The following STON1 variants were observed in gnomAD, a reference collection of about 807,000 sequenced individuals.
The protein encoded by STON1 is stonin-1.
In STON1, 79 loss-of-function variants were observed where a neutral mutation model predicts 60.9. The ratio of observed to expected loss-of-function variants is 1.30; its 90% confidence interval spans 1.08 to 1.56. STON1 has a LOEUF of 1.56. STON1 is among the 40% of genes most tolerant of loss of function. The probability of loss-of-function intolerance (pLI) is 0.00; values close to 1 mark genes in which losing one functional copy is unlikely to be tolerated. For synonymous variants in STON1, 363 were observed against 306.9 expected (o/e 1.18, Z -1.91); for missense variants, 1,166 against 858.9 (o/e 1.36, Z -4.47).
At chr2:48,591,511 G>A in intron 2 of STON1, 142 bp from the exon 3 acceptor site, 1 of 1,172,638 alleles carries the variant, frequency 8.5e-7, no homozygotes, top group South Asian at 1.8e-5. Context: ...GATTTTCATG[G>A]TATGTTGTTT....
rs780420069 is a variant in STON1, at chr2:48,582,436, A to C, written c.1803A>C (p.Ala601=). ...TGAAAGCTAAAATGAACCGCCGAGC[A>C]TGTCTGGGGAGTTTACAGGAACTTG... The part of the protein sequence containing the change: ...KSLKAKMNRR[A]CLGSLQELES... Residue 601 remains alanine (A), a synonymous_variant, in exon 2 of 4, where the codon GCA becomes GCC. Coordinates refer to ENST00000404752, the MANE Select transcript of STON1 (RefSeq NM_006873.4). 344 of 1,614,082 alleles carry C rather than the reference A, an allele frequency of 2.1e-4. No individual in the cohort carries two copies. Among genetic ancestry groups the C allele is most frequent in the Non-Finnish European group, 2.8e-4 (336 of 1,180,038 alleles).
chr2:48,555,539 G>T lies in STON1; in HGVS notation c.-47-25048G>T, dbSNP rs867601426. 1.4e-4 allele frequency among the ~76,000 whole-genome samples: 10 copies of T among 72,312 alleles called. No individual in the cohort carries two copies. The South Asian group carries it at 6.1e-3, about 44-fold the overall frequency. 47.4% of individuals were successfully genotyped at this position (72,312 alleles called of 152,430 possible). Reference sequence around the variant, plus strand: ...TCCCTCACGGACGAGGCGGCTGGCCGGGCGTGGGGCTGACACCCCCACCTC... The same window carrying T: ...TCCCTCACGGACGAGGCGGCTGGCCTGGCGTGGGGCTGACACCCCCACCTC... On this transcript the variant is annotated intron_variant, in intron 1 of 3. Transcript: ENST00000404752.
intron 1 of STON1, among the ~76,000 whole-genome samples, chr2:48,551,676 C>A (rs1672111783): frequency 6.6e-6 from 1 of 152,248 alleles, no homozygotes; most frequent in African/African-American, 2.4e-5. Flanking sequence ...CCGCATTTTC[C>A]TTGGCATGGC....
chr2:48,532,744 G>T (rs565659304), intron 1 of STON1, among the ~76,000 whole-genome samples: 38 of 152,142 alleles, frequency 2.5e-4, no homozygotes, highest in Non-Finnish European at 4.6e-4. Context: ...GGCCACGGGG[G>T]CCTGGACCTA....
At chr2:48,564,404 TGTCTTCTTC>T (rs1558603773) in intron 1 of STON1, among the ~76,000 whole-genome samples, 1 of 128,534 alleles carries the variant, frequency 7.8e-6, no homozygotes, top group East Asian at 2.4e-4. Context: ...GCAGTGGCGG[TGTCTTCTTC>T]TTCTTCTTCT....
intron 1 of STON1, among the ~76,000 whole-genome samples, chr2:48,571,318 G>A (rs1673198952): frequency 6.6e-6 from 1 of 152,168 alleles, no homozygotes; most frequent in African/African-American, 2.4e-5. Context: ...TCAGAGGAAG[G>A]CAGCTGGGGA....
chr2:48,575,683 T>C (rs1213230583), intron 1 of STON1, among the ~76,000 whole-genome samples: 2 of 150,708 alleles, frequency 1.3e-5, no homozygotes, highest in African/African-American at 4.9e-5. Flanking sequence ...AATAAATAAA[T>C]AAATGAATTC....
At chr2:48,560,027 A>G (rs1672545552) in intron 1 of STON1, among the ~76,000 whole-genome samples, 1 of 152,198 alleles carries the variant, frequency 6.6e-6, no homozygotes, top group Non-Finnish European at 1.5e-5. Flanking sequence ...TTTCTGGGCC[A>G]TTTAGTTACT....
chr2:48,554,280 G>A (rs1048469568), intron 1 of STON1, among the ~76,000 whole-genome samples: 3 of 152,236 alleles, frequency 2.0e-5, no homozygotes, highest in African/African-American at 7.2e-5. Context: ...GGAGGGCAAT[G>A]ACACAATCTC....
chr2:48,573,784 C>T (rs1012639544), intron 1 of STON1, among the ~76,000 whole-genome samples: 4 of 152,190 alleles, frequency 2.6e-5, no homozygotes, highest in African/African-American at 9.6e-5. Flanking sequence ...TGTCTATCAA[C>T]TGATAAATGG....
rs1343132011 is a variant in STON1 at position 48,564,559 on chromosome 2, TTC to T, written c.-47-16026_-47-16025del. On this transcript the variant is annotated intron_variant, in intron 1 of 3. Transcript: ENST00000404752. ...CTTCTTCTTCTTCTTCTTCTTCTTC[TTC>T]TTCTTCTCCTTCTCCTTCTCCTCCT... Among the ~76,000 whole-genome samples, 9 of 51,552 alleles carry T rather than the reference TTC, an allele frequency of 1.7e-4. 1 individual carries two copies. Among genetic ancestry groups the T allele is most frequent in the Non-Finnish European group, 2.5e-4 (6 of 24,416 alleles). 33.8% of individuals were successfully genotyped at this position (51,552 alleles called of 152,430 possible).
intron 2 of STON1, among the ~76,000 whole-genome samples, chr2:48,586,419 A>T (rs915008242): frequency 6.6e-6 from 1 of 152,236 alleles, no homozygotes; most frequent in Non-Finnish European, 1.5e-5. Context: ...AGCTACCCAA[A>T]TGCACTGTGG....
intron 2 of STON1, among the ~76,000 whole-genome samples, chr2:48,585,321 C>T (rs542259693): frequency 4.6e-5 from 7 of 152,096 alleles, no homozygotes; most frequent in Non-Finnish European, 8.8e-5. Context: ...AATCTTGGCT[C>T]ACTGCAACCG....
At chr2:48,564,452 C>T (rs866071774) in intron 1 of STON1, among the ~76,000 whole-genome samples, 62 of 54,034 alleles carry the variant, frequency 1.1e-3, no homozygotes, top group African/African-American at 4.2e-3. Context: ...TCTTCTTCTT[C>T]TTCTTCTTCT....
At chr2:48,590,792 A>G (rs1674471452) in intron 2 of STON1, among the ~76,000 whole-genome samples, 1 of 152,222 alleles carries the variant, frequency 6.6e-6, no homozygotes, top group African/African-American at 2.4e-5. Context: ...TTAAAATATT[A>G]AAGGCCAATA....
intron 2 of STON1, among the ~76,000 whole-genome samples, chr2:48,587,952 C>T (rs1259453272): frequency 3.3e-5 from 5 of 152,146 alleles, no homozygotes; most frequent in East Asian, 1.9e-4. Context: ...CAAGCTTCTC[C>T]GTTGAGGGGG....
chr2:48,569,105 C>T (rs1344740414), intron 1 of STON1: 1 of 152,178 alleles, frequency 6.6e-6, no homozygotes, highest in African/African-American at 2.4e-5. Flanking sequence ...CTTAACTCCT[C>T]CGAACTTATT....
In STON1 at chr2:48,595,227, G is replaced by C; in HGVS notation, c.2134-1G>C. The stretch of plus-strand genomic sequence containing the variant: ...GCCTGTGTTTTGCTTTTGCATAACA[G>C]GTTGAAATAGAAAAGAAGTGGATTA... On this transcript the variant is annotated splice_acceptor_variant, in intron 3 of 3. Transcript: ENST00000404752. LOFTEE classifies it high-confidence loss of function. 1.2e-6 allele frequency: 2 copies of C among 1,613,414 alleles called. No homozygotes were observed. The highest frequency in any genetic ancestry group is 1.7e-6 in the Non-Finnish European group (2 of 1,179,436).
chr2:48,585,068 A>T (rs547663001), intron 2 of STON1, among the ~76,000 whole-genome samples: 22 of 152,158 alleles, frequency 1.4e-4, no homozygotes, highest in African/African-American at 5.3e-4. Flanking sequence ...CAGATTAATT[A>T]TGTTCAGTTC....
Sources: gnomAD v4.1 joint callset for allele counts (sites outside exome capture counted in the v4.1 genomes callset) on GRCh38, gnomAD v4.1.1 for gene constraint, MANE v1.5 for transcripts, NCBI Gene and HGNC (gene_info 2026-07-23, HGNC 2026-07-21) for gene names.